Variants in ZDHHC20 observed in about 807,000 individuals in gnomAD.
The protein encoded by ZDHHC20 is palmitoyltransferase ZDHHC20.
ZDHHC20 carries 43 observed loss-of-function variants against 57.8 expected under a neutral mutation model. The ratio of observed to expected loss-of-function variants is 0.74; its 90% confidence interval spans 0.58 to 0.96. The LOEUF (loss-of-function observed/expected upper bound fraction) is 0.96. Among genes scored for constraint, ZDHHC20 ranks in the 40% least tolerant of loss-of-function variants. ZDHHC20 has a pLI of 0.00. For synonymous variants in ZDHHC20, 157 were observed against 153.0 expected (o/e 1.03, Z -0.19); for missense variants, 391 against 441.1 (o/e 0.89, Z 1.02).
intron 9 of ZDHHC20, among the ~76,000 whole-genome samples, 196 bp from the exon 10 acceptor site, chr13:21,383,205 A>G (rs1641320772): frequency 6.6e-6 from 1 of 152,190 alleles, no homozygotes; most frequent in African/African-American, 2.4e-5. Context: ...CTCATCTTGA[A>G]TTGTAGTTCC....
At position 21,393,699 on chromosome 13, in the gene ZDHHC20, C is replaced by CAAAAAAAAAAA. The variant is rs71093307; in HGVS notation, c.595-1856_595-1846dup. Reference sequence around the variant, plus strand: ...AGCCTGGGCGACACAGCAAGTCTCACAAAAAAAAAAAAAAAAAAAAAAAAA... The same window carrying CAAAAAAAAAAA: ...AGCCTGGGCGACACAGCAAGTCTCACAAAAAAAAAAAAAAAAAAAAAAAAAAAAAAAAAAAA... On this transcript the variant is annotated intron_variant, in intron 7 of 12. Transcript: ENST00000400590. Among the ~76,000 whole-genome samples, 76 of 63,414 alleles carry CAAAAAAAAAAA rather than the reference C, an allele frequency of 1.2e-3. 6 individuals are homozygous for CAAAAAAAAAAA. The highest frequency in any genetic ancestry group is 5.3e-3 in the African/African-American group (70 of 13,320). The allele number at this position is 63,414 out of a possible 152,430, so 41.6% of individuals were successfully genotyped here. A position where few individuals can be genotyped will look rare whatever the true frequency, so the allele number is the denominator to read the frequency against.
chr13:21,399,071 A>G (rs1349640349), intron 7 of ZDHHC20, among the ~76,000 whole-genome samples: 1 of 152,180 alleles, frequency 6.6e-6, no homozygotes, highest in Non-Finnish European at 1.5e-5. Flanking sequence ...GGCCAGGTGC[A>G]GTGGCTCACA....
intron 9 of ZDHHC20, among the ~76,000 whole-genome samples, chr13:21,385,295 G>A (rs1404139931): frequency 6.6e-6 from 1 of 152,086 alleles, no homozygotes; most frequent in African/African-American, 2.4e-5. Flanking sequence ...CAGGTGTGGT[G>A]TTACGCACCG....
At chr13:21,447,978 C>T (rs1883948226) in intron 1 of ZDHHC20, among the ~76,000 whole-genome samples, 3 of 113,402 alleles carry the variant, frequency 2.6e-5, no homozygotes, top group African/African-American at 9.3e-5. Flanking sequence ...GCCGAGACCC[C>T]GTCTGGGAGG....
chr13:21,427,728 G>A (rs1242111999), intron 1 of ZDHHC20, among the ~76,000 whole-genome samples: 1 of 151,494 alleles, frequency 6.6e-6, no homozygotes, highest in Non-Finnish European at 1.5e-5. Flanking sequence ...CCACATACTC[G>A]GGAGGCTGAG....
intron 1 of ZDHHC20, among the ~76,000 whole-genome samples, chr13:21,443,229 GT>G (rs201912859): frequency 2.6e-5 from 4 of 151,008 alleles, no homozygotes; most frequent in Non-Finnish European, 4.4e-5. Context: ...TAGGAGTGGT[GT>G]TTTTTTTTAA....
chr13:21,407,694 A>G (rs1878644180), intron 4 of ZDHHC20, among the ~76,000 whole-genome samples: 1 of 152,226 alleles, frequency 6.6e-6, no homozygotes, highest in Non-Finnish European at 1.5e-5. Flanking sequence ...GTCTTTGCCC[A>G]TGCATATATC....
chr13:21,393,995 C>T (rs1032339444), intron 7 of ZDHHC20, among the ~76,000 whole-genome samples: 12 of 152,216 alleles, frequency 7.9e-5, no homozygotes, highest in East Asian at 3.8e-4. Flanking sequence ...TTATTCCAGC[C>T]GGGATGCTGC....
intron 11 of ZDHHC20, 87 bp downstream of exon 11, chr13:21,381,347 T>A: frequency 9.3e-7 from 1 of 1,079,434 alleles, no homozygotes; most frequent in Non-Finnish European, 1.4e-6. Flanking sequence ...TTTAAAATGT[T>A]ACATTATTTT....
intron 11 of ZDHHC20, among the ~76,000 whole-genome samples, chr13:21,380,462 G>C (rs1566060472): frequency 6.6e-6 from 1 of 151,586 alleles, no homozygotes; most frequent in Admixed American, 6.6e-5. Flanking sequence ...TGCTTTTCAA[G>C]AATTATTTTC....
intron 7 of ZDHHC20, among the ~76,000 whole-genome samples, chr13:21,397,904 G>A (rs1433505079): frequency 6.6e-6 from 1 of 152,122 alleles, no homozygotes; most frequent in Non-Finnish European, 1.5e-5. Flanking sequence ...TTAGGAGATG[G>A]AGGGTCTAAA....
At chr13:21,409,442 A>C (rs939135322) in intron 4 of ZDHHC20, among the ~76,000 whole-genome samples, 4 of 151,976 alleles carry the variant, frequency 2.6e-5, no homozygotes, top group Non-Finnish European at 5.9e-5. Flanking sequence ...TTTCTGTGGG[A>C]TCAGTGGTGA....
In ZDHHC20 at chr13:21,401,515, A is replaced by G. The variant is rs1044745342; in HGVS notation, c.473+138T>C. 4.2e-5 allele frequency: 29 copies of G among 695,108 alleles called. No individual in the cohort carries two copies. The African/African-American group carries it at 5.0e-4, about 12-fold the overall frequency. 43.1% of individuals were successfully genotyped at this position (695,108 alleles called of 1,614,324 possible). A position where few individuals can be genotyped will look rare whatever the true frequency, so the allele number is the denominator to read the frequency against. ...AACCATTTAATATAACTGTTTACAT[A>G]CAAATCTATGCATATATGTAAAGAG... On this transcript the variant is annotated intron_variant, in intron 6 of 12. Transcript: ENST00000400590.
intron 2 of ZDHHC20, among the ~76,000 whole-genome samples, chr13:21,423,387 T>C (rs958302008): frequency 6.6e-5 from 10 of 152,188 alleles, no homozygotes; most frequent in Non-Finnish European, 8.8e-5. Context: ...CTCAGTATCA[T>C]TGCTTTGGCC....
intron 6 of ZDHHC20, 97 bp downstream of exon 6, chr13:21,401,550 AATATCT>A (rs1877626167): frequency 4.2e-6 from 4 of 963,742 alleles, no homozygotes; most frequent in Non-Finnish European, 6.2e-6. Context: ...GATCAATCTT[AATATCT>A]ATGAGTAAAC....
chr13:21,413,579 T>C (rs900341370), intron 4 of ZDHHC20, 73 bp downstream of exon 4: 17 of 1,408,782 alleles, frequency 1.2e-5, no homozygotes, highest in Admixed American at 7.3e-5. Flanking sequence ...AGTCAAACCA[T>C]GCAAATATAT....
chr13:21,439,300 G>C (rs530899505), intron 1 of ZDHHC20, among the ~76,000 whole-genome samples: 10 of 152,300 alleles, frequency 6.6e-5, no homozygotes, highest in African/African-American at 2.2e-4. Flanking sequence ...AGGAACTTGA[G>C]ACCAGTTTGG....
chr13:21,392,133 T>C (rs771127168), intron 7 of ZDHHC20, among the ~76,000 whole-genome samples: 11 of 151,620 alleles, frequency 7.3e-5, no homozygotes, highest in South Asian at 2.1e-4. Flanking sequence ...ATCCCAGCTA[T>C]TGGGGAGACT....
chr13:21,405,712 C>T (rs1342621333), intron 4 of ZDHHC20, among the ~76,000 whole-genome samples: 1 of 152,194 alleles, frequency 6.6e-6, no homozygotes, highest in Non-Finnish European at 1.5e-5. Context: ...ACACCCTCTC[C>T]TCCACTATCG....
Sources: allele counts gnomAD v4.1 joint callset (sites outside exome capture counted in the v4.1 genomes callset), GRCh38; gene constraint gnomAD v4.1.1; transcripts MANE v1.5; gene names NCBI Gene and HGNC (gene_info 2026-07-23, HGNC 2026-07-21).